Variants in GNE observed in about 807,000 individuals in gnomAD.
GNE encodes the protein glucosamine (UDP-N-acetyl)-2-epimerase/N-acetylmannosamine kinase.
In GNE, 41 loss-of-function variants were observed where a neutral mutation model predicts 61.8. That is an observed-to-expected ratio of 0.66 (90% CI 0.52 to 0.86). GNE has a LOEUF of 0.86. Among genes scored for constraint, GNE ranks in the 40% least tolerant of loss-of-function variants. GNE has a pLI of 0.00. For synonymous variants in GNE, 264 were observed against 326.4 expected, an observed-to-expected ratio of 0.81 and a Z score of 2.06; for missense variants, 608 against 909.1, an observed-to-expected ratio of 0.67 and a Z score of 4.26.
chr9:36,265,258 C>T (rs748283932), intron 1 of GNE: 32 of 401,486 alleles, frequency 8.0e-5, no homozygotes, highest in Non-Finnish European at 1.2e-4. Flanking sequence ...TAACATTCAC[C>T]GCATGGCCCA....
At chr9:36,241,540 A>G (rs975975338) in intron 3 of GNE, among the ~76,000 whole-genome samples, 1 of 152,186 alleles carries the variant, frequency 6.6e-6, no homozygotes, top group African/African-American at 2.4e-5. Context: ...CATTTCATAC[A>G]AAGTTTGCAC....
intron 1 of GNE, among the ~76,000 whole-genome samples, chr9:36,272,806 C>T (rs554762764): frequency 1.3e-5 from 2 of 150,136 alleles, no homozygotes; most frequent in African/African-American, 2.5e-5. Flanking sequence ...CCCAGTGGCT[C>T]ACATCTGTAA....
At chr9:36,237,360 A>G (rs1829435276) in intron 3 of GNE, among the ~76,000 whole-genome samples, 1 of 152,216 alleles carries the variant, frequency 6.6e-6, no homozygotes, top group South Asian at 2.1e-4. Flanking sequence ...AATATGTTGC[A>G]TATCAGGGCA....
At chr9:36,225,789 T>G (rs1828836049) in intron 7 of GNE, among the ~76,000 whole-genome samples, 1 of 152,160 alleles carries the variant, frequency 6.6e-6, no homozygotes, top group Non-Finnish European at 1.5e-5. Context: ...AAAAAAATTT[T>G]TTTAAATTAA....
At chr9:36,237,807 G>A (rs931413745) in intron 3 of GNE, among the ~76,000 whole-genome samples, 2 of 146,904 alleles carry the variant, frequency 1.4e-5, no homozygotes, top group African/African-American at 5.1e-5. Flanking sequence ...TCTATCCCTC[G>A]CCCCCTCCTA....
At position 36,215,963 on chromosome 9, in the gene GNE, CT is replaced by C; in HGVS notation, c.*1401del. 1 of 232,134 alleles carries C rather than the reference CT, an allele frequency of 4.3e-6. No individual in the cohort carries two copies. The highest frequency in any genetic ancestry group is 5.1e-5 in the South Asian group (1 of 19,686). 14.4% of individuals were successfully genotyped at this position (232,134 alleles called of 1,614,324 possible). ...GACAGTTAATCTCCTTTTAAAGGCT[CT>C]AAGTCCCAGTGGCTTCTCAGCTGTC... On this transcript the variant is annotated 3_prime_UTR_variant, in exon 12 of 12. Transcript: ENST00000642385.
Position 36,214,942 on chromosome 9 carries a change from T to C in GNE, c.*2423A>G, listed in dbSNP as rs1015080418. ...TCAGTTTATTTGAACACTGAAACAA[T>C]ATGTTGTAGAAACCTTCATTTTCCC... On this transcript the variant is annotated 3_prime_UTR_variant, in exon 12 of 12. Coordinates refer to ENST00000642385, the MANE Select transcript of GNE (RefSeq NM_005476.7). 7 of 152,200 alleles carry C rather than the reference T, an allele frequency of 4.6e-5. No homozygotes were observed. The highest frequency in any genetic ancestry group is 3.9e-4 in the Admixed American group (6 of 15,284). 9.4% of individuals were successfully genotyped at this position (152,200 alleles called of 1,614,324 possible).
At chr9:36,275,687 G>A (rs187892782) in intron 1 of GNE, among the ~76,000 whole-genome samples, 2 of 152,174 alleles carry the variant, frequency 1.3e-5, no homozygotes, top group Admixed American at 6.5e-5. Flanking sequence ...TTGATGACAC[G>A]AGGAAAAAAA....
In GNE at chr9:36,227,250, T is replaced by C. The variant is rs542196416; in HGVS notation, c.1279A>G (p.Lys427Glu). ...TAGGAGTTTAGGAGTTATTTTACCT[T>C]CATGCTGACTATTGCAACTCGGAGG... Reference protein sequence around the residue: ...TNLRVAIVSMKGEIVKKYTQF... With the variant: ...TNLRVAIVSMEGEIVKKYTQF... The change falls in exon 7 of 12, where the codon AAG (lysine) becomes GAG (glutamate). Residue 427 changes from lysine to glutamate, a missense_variant and splice_region_variant. Transcript: ENST00000642385. 1 of 1,605,162 alleles carries C rather than the reference T, an allele frequency of 6.2e-7. No individual in the cohort carries two copies. Among genetic ancestry groups the C allele is most frequent in the Non-Finnish European group, 8.5e-7 (1 of 1,172,022 alleles).
chr9:36,258,030 G>A (rs1830461143), intron 1 of GNE, among the ~76,000 whole-genome samples: 1 of 152,044 alleles, frequency 6.6e-6, no homozygotes, highest in African/African-American at 2.4e-5. Flanking sequence ...CCCCTGATTG[G>A]ACAGCACTGT....
At chr9:36,232,913 G>C (rs1829236626) in intron 5 of GNE, among the ~76,000 whole-genome samples, 1 of 152,168 alleles carries the variant, frequency 6.6e-6, no homozygotes, top group Admixed American at 6.6e-5. Flanking sequence ...TGAGGAATTT[G>C]AAAGAATTTC....
At chr9:36,253,829 C>T (rs10972806) in intron 1 of GNE, among the ~76,000 whole-genome samples, 113,644 of 150,378 alleles carry the variant, frequency 0.76, 43,285 homozygotes, top group Non-Finnish European at 0.8. Flanking sequence ...CCTGAGGTCA[C>T]GAGTTGGAGA....
rs10527967 is a variant in GNE, at chr9:36,216,327, A to ATGTG, written c.*1034_*1037dup. ...TTAGTTTGGGGTTAGAGGAGGAAGG[A>ATGTG]TGTGTGTGTGTGTGTGTGTGTGTGT... On this transcript the variant is annotated 3_prime_UTR_variant, in exon 12 of 12. Transcript: ENST00000642385. 988 of 357,556 alleles carry ATGTG rather than the reference A, an allele frequency of 2.8e-3. 16 individuals carry two copies. Among genetic ancestry groups the ATGTG allele is most frequent in the South Asian group, 0.016 (818 of 52,472 alleles). The allele number at this position is 357,556 out of a possible 1,614,324, so 22.1% of individuals were successfully genotyped here.
Position 36,237,011 on chromosome 9 carries a change from G to C in GNE, c.617-27C>G, listed in dbSNP as rs1180078731. 1.9e-6 allele frequency: 3 copies of C among 1,572,322 alleles called. No homozygotes were observed. The Admixed American group carries it at 5.0e-5, about 26-fold the overall frequency. ...TGTTTAAAGAAAATCAAACCACATTGCTTCATTAGTTAAGAATCTTAAAAG... is the reference window on the plus strand; with the variant it reads ...TGTTTAAAGAAAATCAAACCACATTCCTTCATTAGTTAAGAATCTTAAAAG... On this transcript the variant is annotated intron_variant, in intron 3 of 11. Coordinates refer to ENST00000642385, the MANE Select transcript of GNE (RefSeq NM_005476.7).
At chr9:36,263,802 A>G (rs1168992295) in intron 1 of GNE, among the ~76,000 whole-genome samples, 1 of 152,228 alleles carries the variant, frequency 6.6e-6, no homozygotes, top group African/African-American at 2.4e-5. Flanking sequence ...CTGTGCCCAT[A>G]GGCTGCCTCC....
rs751572139 is a variant in GNE at position 36,229,003 on chromosome 9, A to G, written c.1070+18T>C. ...GCTCCCCTTTTAAATCACTCAACAAAGAATGTTTTATACTCACCAAGGGTA... is the reference window on the plus strand; with the variant it reads ...GCTCCCCTTTTAAATCACTCAACAAGGAATGTTTTATACTCACCAAGGGTA... On this transcript the variant is annotated intron_variant, in intron 6 of 11. Coordinates refer to ENST00000642385, the MANE Select transcript of GNE (RefSeq NM_005476.7). 3 of 1,405,092 alleles carry G rather than the reference A, an allele frequency of 2.1e-6. No homozygotes were observed. The highest frequency in any genetic ancestry group is 2.3e-5 in the South Asian group (2 of 86,886). 87.0% of individuals were successfully genotyped at this position (1,405,092 alleles called of 1,614,324 possible).
rs1430236053 is a variant in GNE, at chr9:36,218,812, T to G, written c.1817-513A>C. Among the ~76,000 whole-genome samples the G allele has an allele frequency of 3.9e-5, 6 of 152,320 alleles. No homozygotes were observed. Among genetic ancestry groups the G allele is most frequent in the African/African-American group, 1.4e-4 (6 of 41,572 alleles). ...CTCACCTGTACACATTCCTCCTTCC[T>G]AGAAGATGAGACCAGTAGTGCCTCC... On this transcript the variant is annotated intron_variant, in intron 10 of 11. Coordinates refer to ENST00000642385, the MANE Select transcript of GNE (RefSeq NM_005476.7). The surrounding 1 kb of genome is among the most constrained non-coding windows in gnomAD (Gnocchi z 4.1).
At chr9:36,265,062 C>T (rs1400370668) in intron 1 of GNE, 8 of 303,282 alleles carry the variant, frequency 2.6e-5, no homozygotes, top group Non-Finnish European at 4.4e-5. Flanking sequence ...ACTTCCACCC[C>T]TCCGGATCTG....
At chr9:36,239,246 TA>T (rs1288494149) in intron 3 of GNE, among the ~76,000 whole-genome samples, 1 of 152,136 alleles carries the variant, frequency 6.6e-6, no homozygotes, top group Non-Finnish European at 1.5e-5. Flanking sequence ...ATTTTAGAAT[TA>T]TTTTTTTAAT....
Sources: gnomAD v4.1 joint callset for allele counts (sites outside exome capture counted in the v4.1 genomes callset) on GRCh38, gnomAD v4.1.1 for gene constraint, Gnocchi (gnomAD v3.1) non-coding constraint, MANE v1.5 for transcripts, NCBI Gene and HGNC (gene_info 2026-07-23, HGNC 2026-07-21) for gene names.